Variants in SLC44A5 observed in about 807,000 individuals in gnomAD.
SLC44A5 encodes choline transporter-like protein 5.
Under a neutral mutation model 101.8 loss-of-function variants are expected in SLC44A5, and 57 were observed. That is an observed-to-expected ratio of 0.56 (90% CI 0.45 to 0.70). The LOEUF (loss-of-function observed/expected upper bound fraction) is 0.70. SLC44A5 is among the 30% of genes least tolerant of loss of function. The pLI, the probability that SLC44A5 is intolerant of heterozygous loss-of-function variation, is 0.00. For missense variants in SLC44A5, 737 were observed against 853.1 expected (o/e 0.86, Z 1.70); for synonymous variants, 281 against 290.9 (o/e 0.97, Z 0.35).
At chr1:75,233,943 G>C (rs763289431) in intron 12 of SLC44A5, 43 bp downstream of exon 12, 25 of 1,370,168 alleles carry the variant, frequency 1.8e-5, no homozygotes, top group Non-Finnish European at 2.5e-5. Context: ...AAAATAAAAG[G>C]ATTATTCTGA....
At chr1:75,340,744 A>T (rs1557680903) in intron 3 of SLC44A5, among the ~76,000 whole-genome samples, 1 of 152,320 alleles carries the variant, frequency 6.6e-6, no homozygotes, top group East Asian at 1.9e-4. Flanking sequence ...GGCCAGTCAG[A>T]TTCTCAATCC....
intron 23 of SLC44A5, chr1:75,206,482 A>G (rs1286266241): frequency 1.5e-6 from 1 of 651,552 alleles, no homozygotes; most frequent in East Asian, 2.7e-5. Flanking sequence ...AGGTAGTACC[A>G]GGTGCTGACT....
chr1:75,638,330 T>C, the SLC44A5 span, among the ~76,000 whole-genome samples: 3 of 152,114 alleles, frequency 2.0e-5, no homozygotes, highest in African/African-American at 7.2e-5. Context: ...AAGTAGAATC[T>C]AGTTTTAATA....
chr1:75,663,973 G>A, the SLC44A5 span, among the ~76,000 whole-genome samples: 1 of 152,068 alleles, frequency 6.6e-6, no homozygotes, highest in South Asian at 2.1e-4. Flanking sequence ...ATCAAGTCGG[G>A]TTCATTCCTG....
intron 4 of SLC44A5, 23 bp downstream of exon 4, chr1:75,339,559 T>A (rs765490786): frequency 5.0e-6 from 8 of 1,591,902 alleles, no homozygotes; most frequent in Non-Finnish European, 6.8e-6. Flanking sequence ...AAAAAGCATA[T>A]TCCCCAAAAA....
the SLC44A5 span, among the ~76,000 whole-genome samples, chr1:75,687,272 G>A: frequency 1.3e-5 from 2 of 152,200 alleles, no homozygotes; most frequent in Middle Eastern, 3.4e-3. Flanking sequence ...GAAAGTGAAT[G>A]GCTCCACAGT....
intron 4 of SLC44A5, among the ~76,000 whole-genome samples, chr1:75,329,446 A>AT (rs4035438): frequency 0.012 from 1,790 of 148,606 alleles, 31 homozygotes; most frequent in African/African-American, 0.042. Flanking sequence ...ACATTTCTTG[A>AT]TTTTTTTTTT....
At chr1:75,280,570 T>C (rs1652450070) in intron 5 of SLC44A5, among the ~76,000 whole-genome samples, 1 of 146,638 alleles carries the variant, frequency 6.8e-6, no homozygotes, top group Non-Finnish European at 1.5e-5. Context: ...TTCCATATGA[T>C]ATGGTCTGGC....
intron 2 of SLC44A5, among the ~76,000 whole-genome samples, chr1:75,455,050 G>C (rs536702545): frequency 6.6e-6 from 1 of 151,920 alleles, no homozygotes; most frequent in Non-Finnish European, 1.5e-5. Flanking sequence ...CACAAAAAGA[G>C]CCCAAATAGC....
intron 1 of SLC44A5, among the ~76,000 whole-genome samples, chr1:75,603,693 T>G (rs60267991): frequency 0.097 from 14,652 of 150,350 alleles, 1,240 homozygotes; most frequent in African/African-American, 0.23. Flanking sequence ...TATGAGATGG[T>G]ATCTCGTGAT....
chr1:75,565,139 G>T (rs890493130), intron 1 of SLC44A5, among the ~76,000 whole-genome samples: 4 of 152,118 alleles, frequency 2.6e-5, no homozygotes, highest in African/African-American at 7.2e-5. Flanking sequence ...ACATTAATGA[G>T]GTTGCCTGCC....
At chr1:75,417,065 G>A (rs2799048) in intron 2 of SLC44A5, among the ~76,000 whole-genome samples, 9 of 151,890 alleles carry the variant, frequency 5.9e-5, no homozygotes, top group Admixed American at 1.3e-4. Context: ...GTGAAGCTAC[G>A]AGATTTGGGA....
At chr1:75,203,987 A>T (rs748479545) in intron 23 of SLC44A5, among the ~76,000 whole-genome samples, 154 bp from the exon 24 acceptor site, 4 of 152,128 alleles carry the variant, frequency 2.6e-5, no homozygotes, top group Non-Finnish European at 4.4e-5. Flanking sequence ...TGGCATCAAC[A>T]TTATTGTAAA....
chr1:75,529,613 G>C (rs1670610383), intron 2 of SLC44A5, among the ~76,000 whole-genome samples: 1 of 152,140 alleles, frequency 6.6e-6, no homozygotes, highest in Non-Finnish European at 1.5e-5. Context: ...ATTGTGTAAT[G>C]AATCAGTCTA....
chr1:75,375,331 G>A (rs1275998058), intron 3 of SLC44A5, among the ~76,000 whole-genome samples: 2 of 152,128 alleles, frequency 1.3e-5, no homozygotes, highest in Non-Finnish European at 2.9e-5. Flanking sequence ...TTTAAAAATA[G>A]ACAAACCCTC....
chr1:75,426,642 A>AAAT lies in SLC44A5; in HGVS notation c.14-30022_14-30021insATT, dbSNP rs1170939822. Among the ~76,000 whole-genome samples the AAAT allele has an allele frequency of 3.3e-5, 5 of 152,352 alleles. No individual in the cohort carries two copies. The East Asian group carries it at 9.6e-4, about 29-fold the overall frequency. ...CCTTTCTAGATTTGGATAATTCTCC[A>AAAT]TATGTGAAGAAGTAAGAGTCTACCT... On this transcript the variant is annotated intron_variant, in intron 2 of 23. Transcript: ENST00000370859.
At chr1:75,594,116 C>A (rs1674506583) in intron 1 of SLC44A5, among the ~76,000 whole-genome samples, 1 of 151,886 alleles carries the variant, frequency 6.6e-6, no homozygotes, top group African/African-American at 2.4e-5. Flanking sequence ...TAAATATATA[C>A]ACCTACTGTG....
intron 4 of SLC44A5, among the ~76,000 whole-genome samples, chr1:75,319,824 T>C (rs1390730986): frequency 6.6e-6 from 1 of 152,094 alleles, no homozygotes; most frequent in Non-Finnish European, 1.5e-5. Context: ...TAAAAATGTA[T>C]CCTAGAAGAG....
intron 5 of SLC44A5, among the ~76,000 whole-genome samples, chr1:75,278,411 A>C (rs1018892131): frequency 6.6e-6 from 1 of 152,078 alleles, no homozygotes; most frequent in Non-Finnish European, 1.5e-5. Flanking sequence ...GAGTGCCATA[A>C]CATCACCAGT....
Sources: gnomAD v4.1 joint callset for allele counts (sites outside exome capture counted in the v4.1 genomes callset) on GRCh38, gnomAD v4.1.1 for gene constraint, MANE v1.5 for transcripts, NCBI Gene and HGNC (gene_info 2026-07-23, HGNC 2026-07-21) for gene names.